Variants in SH2D4B observed in about 807,000 individuals in gnomAD.
SH2D4B encodes SH2 domain-containing protein 4B.
SH2D4B carries 45 observed loss-of-function variants against 61.5 expected under a neutral mutation model. That is an observed-to-expected ratio of 0.73 (90% CI 0.58 to 0.94). The LOEUF (loss-of-function observed/expected upper bound fraction) is 0.94. Among genes scored for constraint, SH2D4B ranks in the 40% least tolerant of loss-of-function variants. The probability of loss-of-function intolerance (pLI) is 0.00; values close to 1 mark genes in which losing one functional copy is unlikely to be tolerated. For synonymous variants in SH2D4B, 224 were observed against 220.4 expected, an observed-to-expected ratio of 1.02 and a Z score of -0.14; for missense variants, 572 against 574.2, an observed-to-expected ratio of 1.00 and a Z score of 0.04.
At chr10:80,543,609 C>A (rs867685069) in intron 1 of SH2D4B, among the ~76,000 whole-genome samples, 1 of 152,236 alleles carries the variant, frequency 6.6e-6, no homozygotes, top group Non-Finnish European at 1.5e-5. Flanking sequence ...GCGCACCGCG[C>A]GGGACTGGCA....
At position 80,582,860 on chromosome 10, in the gene SH2D4B, G is replaced by A. The variant is rs535362706; in HGVS notation, c.496-5770G>A. Among the ~76,000 whole-genome samples, 8 of 152,276 alleles carry A rather than the reference G, an allele frequency of 5.3e-5. No individual in the cohort carries two copies. The South Asian group carries it at 1.7e-3, about 32-fold the overall frequency. On this transcript the variant is annotated intron_variant, in intron 3 of 7. Coordinates refer to ENST00000646907, the MANE Select transcript of SH2D4B (RefSeq NM_001388272.1). Reference sequence around the variant, plus strand: ...CTCCCCTCCAATTCCTGGAATGCTGGGGGTGATACCACCCAGGAAGGACAG... The same window carrying A: ...CTCCCCTCCAATTCCTGGAATGCTGAGGGTGATACCACCCAGGAAGGACAG...
intron 6 of SH2D4B, among the ~76,000 whole-genome samples, chr10:80,624,617 A>G (rs1842751268): frequency 6.6e-6 from 1 of 152,236 alleles, no homozygotes; most frequent in Non-Finnish European, 1.5e-5. Flanking sequence ...ATCAACTGAG[A>G]ATGTTTTCAA....
intron 6 of SH2D4B, among the ~76,000 whole-genome samples, chr10:80,632,634 C>T (rs1048556829): frequency 6.6e-6 from 1 of 152,044 alleles, no homozygotes; most frequent in African/African-American, 2.4e-5. Flanking sequence ...TACTTATCTC[C>T]CTGCTGCAGC....
chr10:80,599,645 C>G (rs974184435), intron 4 of SH2D4B, among the ~76,000 whole-genome samples: 2 of 152,192 alleles, frequency 1.3e-5, no homozygotes, highest in African/African-American at 4.8e-5. Flanking sequence ...TTCAGGACCA[C>G]AAGGGTGGTT....
intron 6 of SH2D4B, among the ~76,000 whole-genome samples, chr10:80,611,027 TAGCC>T (rs1247178594): frequency 2.0e-5 from 3 of 151,808 alleles, no homozygotes; most frequent in Non-Finnish European, 4.4e-5. Flanking sequence ...TTTAAAAAAT[TAGCC>T]AGGTGTGGTG....
chr10:80,571,858 T>C (rs574179697), intron 3 of SH2D4B, among the ~76,000 whole-genome samples: 83 of 150,968 alleles, frequency 5.5e-4, no homozygotes, highest in African/African-American at 1.8e-3. Flanking sequence ...CTGCAAGCTC[T>C]GCCTCCCGGG....
chr10:80,634,539 GGGAACTGGT>G (rs1159671128), intron 7 of SH2D4B, 34 bp downstream of exon 7: 1 of 1,544,314 alleles, frequency 6.5e-7, no homozygotes, highest in African/African-American at 1.4e-5. Context: ...GGGGGGGAGG[GGGAACTGGT>G]GGAAATTGGA....
chr10:80,638,747 T>A (rs888704491), intron 7 of SH2D4B, among the ~76,000 whole-genome samples: 22 of 152,346 alleles, frequency 1.4e-4, no homozygotes, highest in Middle Eastern at 3.4e-3. Flanking sequence ...GCTCCTGGAT[T>A]CATTGATTTT....
At chr10:80,598,636 A>C (rs1211563003) in intron 4 of SH2D4B, among the ~76,000 whole-genome samples, 1 of 152,184 alleles carries the variant, frequency 6.6e-6, no homozygotes, top group Non-Finnish European at 1.5e-5. Flanking sequence ...TAAATTTTCC[A>C]AGTTAGAAAA....
At chr10:80,543,016 C>G (rs1179320821) in intron 1 of SH2D4B, among the ~76,000 whole-genome samples, 2 of 152,218 alleles carry the variant, frequency 1.3e-5, no homozygotes, top group Non-Finnish European at 2.9e-5. Flanking sequence ...CTCCCAGATG[C>G]AGCCCTGGCC....
chr10:80,633,164 G>C (rs1459742724), intron 6 of SH2D4B, among the ~76,000 whole-genome samples: 1 of 151,808 alleles, frequency 6.6e-6, no homozygotes, highest in Non-Finnish European at 1.5e-5. Context: ...GAAGTCACAG[G>C]TGTGCTGAGC....
chr10:80,635,095 A>G (rs942155514), intron 7 of SH2D4B, among the ~76,000 whole-genome samples: 11 of 152,194 alleles, frequency 7.2e-5, no homozygotes, highest in Admixed American at 6.5e-4. Context: ...GGACCCTGTG[A>G]GCATTAAATG....
chr10:80,605,469 T>G (rs1446073093), intron 5 of SH2D4B, among the ~76,000 whole-genome samples: 1 of 152,210 alleles, frequency 6.6e-6, no homozygotes, highest in Non-Finnish European at 1.5e-5. Context: ...TGAAATTTTT[T>G]GTCATGCAGG....
intron 6 of SH2D4B, among the ~76,000 whole-genome samples, chr10:80,621,120 A>T (rs1842714454): frequency 6.6e-6 from 1 of 152,224 alleles, no homozygotes. Context: ...GTCTATGTCC[A>T]TGTAAGTGGT....
chr10:80,538,462 C>A lies in SH2D4B; in HGVS notation c.131C>A (p.Thr44Asn). The part of the protein sequence containing the change: ...EQLRRWKERE[T>N]WEALAQDEGL... ...CTGAGGCGCTGGAAGGAGCGGGAGA[C>A]TTGGGAGGCCCTGGCCCAGGACGAG... is the stretch of plus-strand genomic sequence containing the variant. Residue 44 changes from threonine (T) to asparagine (N), a missense_variant, in exon 1 of 8, where the codon ACT becomes AAT. Thr to Asn is a moderately conservative substitution (Grantham distance 65). Transcript: ENST00000646907. The surrounding 1 kb of genome is among the most constrained non-coding windows in gnomAD (Gnocchi z 4.8). 6.8e-7 allele frequency: 1 copy of A among 1,476,864 alleles called. No homozygotes were observed. Among genetic ancestry groups the A allele is most frequent in the South Asian group, 1.4e-5 (1 of 71,626 alleles). 91.5% of individuals were successfully genotyped at this position (1,476,864 alleles called of 1,614,324 possible).
At chr10:80,552,013 C>T (rs1841767820) in intron 1 of SH2D4B, among the ~76,000 whole-genome samples, 1 of 152,198 alleles carries the variant, frequency 6.6e-6, no homozygotes, top group African/African-American at 2.4e-5. Context: ...TGCTAGCTCT[C>T]TGGCCTCTTC....
chr10:80,550,121 G>A (rs953613886), intron 1 of SH2D4B, among the ~76,000 whole-genome samples: 4 of 152,174 alleles, frequency 2.6e-5, no homozygotes, highest in South Asian at 2.1e-4. Flanking sequence ...AGGATGGGTC[G>A]GATGGCAGAG....
chr10:80,585,604 C>T (rs562241653), intron 3 of SH2D4B, among the ~76,000 whole-genome samples: 5 of 152,290 alleles, frequency 3.3e-5, no homozygotes, highest in South Asian at 2.1e-4. Context: ...CGTGAACCAC[C>T]GCGCCCAGCC....
At position 80,634,329 on chromosome 10, in the gene SH2D4B, A is replaced by C; in HGVS notation, c.1033A>C (p.Thr345Pro). 1 of 1,547,624 alleles carries C rather than the reference A, an allele frequency of 6.5e-7. No individual in the cohort carries two copies. Among genetic ancestry groups the C allele is most frequent in the Non-Finnish European group, 8.7e-7 (1 of 1,144,834 alleles). The change falls in exon 7 of 8, where the codon ACT becomes CCT. Residue 345 changes from threonine (T) to proline (P), a missense_variant. Physicochemically the swap from Thr to Pro is conservative, Grantham distance 38. Coordinates refer to ENST00000646907, the MANE Select transcript of SH2D4B (RefSeq NM_001388272.1). The stretch of plus-strand genomic sequence containing the variant: ...TGCAGAAGCTCTCCTGGAGAACATG[A>C]CTGAGGGAGCATTCCTGGTCCGGGT... ...EDAEALLENMTEGAFLVRVSE... is the reference protein window; with the variant it reads ...EDAEALLENMPEGAFLVRVSE...
Sources: allele counts gnomAD v4.1 joint callset (sites outside exome capture counted in the v4.1 genomes callset), GRCh38; gene constraint gnomAD v4.1.1; non-coding constraint Gnocchi (gnomAD v3.1); transcripts MANE v1.5; gene names NCBI Gene and HGNC (gene_info 2026-07-23, HGNC 2026-07-21).